Variants in ITCH observed in about 807,000 individuals in gnomAD.
ITCH encodes the protein itchy E3 ubiquitin protein ligase, also known as E3 ubiquitin-protein ligase Itchy homolog.
Under a neutral mutation model 126.8 loss-of-function variants are expected in ITCH, and 28 were observed. The observed-to-expected ratio is 0.22, with a 90% CI of 0.16 to 0.30. ITCH has a LOEUF of 0.30. Ranked by LOEUF, ITCH falls within the 10% of genes least tolerant of loss-of-function variation. ITCH has a pLI of 1.00. For synonymous variants in ITCH, 342 were observed against 340.0 expected, an observed-to-expected ratio of 1.01 and a Z score of -0.06; for missense variants, 631 against 1,032.4, an observed-to-expected ratio of 0.61 and a Z score of 5.33.
chr20:34,371,340 G>C (rs1447983494), intron 2 of ITCH, among the ~76,000 whole-genome samples: 1 of 133,844 alleles, frequency 7.5e-6, no homozygotes, highest in African/African-American at 2.9e-5. Context: ...GCAATGGCAC[G>C]ATCTTGGCTC....
rs1988381072 is a variant in ITCH, at chr20:34,477,868, T to G, written c.1658+8T>G. 1 of 1,613,326 alleles carries G rather than the reference T, an allele frequency of 6.2e-7. No homozygotes were observed. The highest frequency in any genetic ancestry group is 8.5e-7 in the Non-Finnish European group (1 of 1,179,320). On this transcript the variant is annotated splice_region_variant and intron_variant, in intron 17 of 24. Coordinates refer to ENST00000374864, the MANE Select transcript of ITCH (RefSeq NM_031483.7). ...TTATGGAGGTGTAGCAAGGTAGTGA[T>G]AATATGAATACTCAGAACTTAGTTC... is the stretch of plus-strand genomic sequence containing the variant.
At chr20:34,374,456 A>C (rs928450598) in intron 2 of ITCH, among the ~76,000 whole-genome samples, 1 of 152,172 alleles carries the variant, frequency 6.6e-6, no homozygotes, top group African/African-American at 2.4e-5. Flanking sequence ...CATAGGTATT[A>C]TGTGTTTCTG....
At chr20:34,494,405 GA>G (rs1287395413) in intron 23 of ITCH, among the ~76,000 whole-genome samples, 1 of 150,588 alleles carries the variant, frequency 6.6e-6, no homozygotes, top group African/African-American at 2.4e-5. Context: ...TTAGGAGACA[GA>G]AACAGTGAGA....
intron 23 of ITCH, among the ~76,000 whole-genome samples, chr20:34,501,507 G>A (rs1253258547): frequency 6.6e-5 from 10 of 152,198 alleles, no homozygotes. Flanking sequence ...TGAGTGCGGT[G>A]GCTCACGCCT....
chr20:34,491,593 A>G (rs1280824693), intron 22 of ITCH, among the ~76,000 whole-genome samples: 1 of 152,184 alleles, frequency 6.6e-6, no homozygotes, highest in Non-Finnish European at 1.5e-5. Flanking sequence ...AAAATCTGGT[A>G]TACATGTAAA....
chr20:34,443,305 A>G (rs942358042), intron 10 of ITCH, among the ~76,000 whole-genome samples: 1 of 151,926 alleles, frequency 6.6e-6, no homozygotes, highest in African/African-American at 2.4e-5. Flanking sequence ...AGGTCAAGAG[A>G]TCGAGACCAT....
At chr20:34,441,007 A>C (rs1250284051) in intron 9 of ITCH, among the ~76,000 whole-genome samples, 1 of 152,060 alleles carries the variant, frequency 6.6e-6, no homozygotes, top group Non-Finnish European at 1.5e-5. Context: ...ATGGTGGCTC[A>C]CGCCTGTAAT....
In ITCH at chr20:34,508,448, T is replaced by A; in HGVS notation, c.*654T>A. Reference sequence around the variant, plus strand: ...ATGACTTCATTTGGAAGTCTGATTGTTTCAGTTGCCTGACAAATACTACAC... The same window carrying A: ...ATGACTTCATTTGGAAGTCTGATTGATTCAGTTGCCTGACAAATACTACAC... On this transcript the variant is annotated 3_prime_UTR_variant, in exon 25 of 25. Coordinates refer to ENST00000374864, the MANE Select transcript of ITCH (RefSeq NM_031483.7). 6.4e-6 allele frequency: 1 copy of A among 157,306 alleles called. No individual in the cohort carries two copies. Among genetic ancestry groups the A allele is most frequent in the Non-Finnish European group, 1.4e-5 (1 of 70,602 alleles). The allele number at this position is 157,306 out of a possible 1,614,324, so 9.7% of individuals were successfully genotyped here.
chr20:34,417,139 C>T, intron 6 of ITCH: 1 of 681,994 alleles, frequency 1.5e-6, no homozygotes, highest in Non-Finnish European at 2.7e-6. Flanking sequence ...TCTGTTTGCC[C>T]AGGCTGGAGT....
intron 2 of ITCH, among the ~76,000 whole-genome samples, chr20:34,388,188 C>T (rs1041214193): frequency 2.0e-5 from 3 of 150,278 alleles, no homozygotes; most frequent in Non-Finnish European, 2.9e-5. Flanking sequence ...GCCTCAACTT[C>T]CTGAGTTCAA....
intron 19 of ITCH, 59 bp from the exon 20 acceptor site, chr20:34,480,999 GTTAAAAAC>G: frequency 6.6e-7 from 1 of 1,516,754 alleles, no homozygotes; most frequent in Non-Finnish European, 9.1e-7. Context: ...TGGGCCTTTC[GTTAAAAAC>G]TTATAAATTA....
Position 34,509,749 on chromosome 20 carries a change from AC to A in ITCH, c.*1958del, listed in dbSNP as rs970775125. On this transcript the variant is annotated 3_prime_UTR_variant, in exon 25 of 25. Coordinates refer to ENST00000374864, the MANE Select transcript of ITCH (RefSeq NM_031483.7). ...CTTACAGAGCGAATGTCTGCCAACT[AC>A]CCGTTCATTATATAAGTCTGAACTT... The A allele has an allele frequency of 4.6e-5, 7 of 152,620 alleles. No homozygotes were observed. The highest frequency in any genetic ancestry group is 3.9e-4 in the Admixed American group (6 of 15,278). The allele number at this position is 152,620 out of a possible 1,614,324, so 9.5% of individuals were successfully genotyped here.
At chr20:34,464,141 ATTT>A (rs1025473489) in intron 14 of ITCH, among the ~76,000 whole-genome samples, 1 of 132,814 alleles carries the variant, frequency 7.5e-6, no homozygotes, top group African/African-American at 2.8e-5. Flanking sequence ...TGCCCAGCTA[ATTT>A]TTTTTTTTTT....
At chr20:34,363,655 A>G (rs1225944773) in intron 1 of ITCH, among the ~76,000 whole-genome samples, 1 of 151,886 alleles carries the variant, frequency 6.6e-6, no homozygotes, top group Admixed American at 6.6e-5. Flanking sequence ...GGGCGTGGGT[A>G]CCGTCCGGCC....
intron 2 of ITCH, among the ~76,000 whole-genome samples, chr20:34,378,492 A>AAG (rs2037931786): frequency 6.6e-6 from 1 of 150,548 alleles, no homozygotes; most frequent in African/African-American, 2.4e-5. Flanking sequence ...AAAAAAAAAA[A>AAG]AAGATGTAAA....
chr20:34,464,499 T>C (rs990223531), intron 14 of ITCH, among the ~76,000 whole-genome samples: 1 of 151,954 alleles, frequency 6.6e-6, no homozygotes, highest in African/African-American at 2.4e-5. Flanking sequence ...GCTAATTTTG[T>C]ATTTTTAGTA....
chr20:34,436,709 A>G (rs886841162), intron 7 of ITCH, among the ~76,000 whole-genome samples: 2 of 152,250 alleles, frequency 1.3e-5, no homozygotes, highest in Non-Finnish European at 2.9e-5. Context: ...GGTCTAGAAT[A>G]GTTTTGAAGA....
At chr20:34,507,467 T>G (rs1422619643) in intron 24 of ITCH, among the ~76,000 whole-genome samples, 1 of 151,962 alleles carries the variant, frequency 6.6e-6, no homozygotes, top group Non-Finnish European at 1.5e-5. Flanking sequence ...TTTTAAATAT[T>G]GTTGAGTTTT....
intron 6 of ITCH, 27 bp downstream of exon 6, chr20:34,413,906 T>C: frequency 1.3e-6 from 2 of 1,569,192 alleles, no homozygotes; most frequent in African/African-American, 1.4e-5. Context: ...TTAAGGTCTT[T>C]AATGATTCTT....
Sources: allele counts gnomAD v4.1 joint callset (sites outside exome capture counted in the v4.1 genomes callset), GRCh38; gene constraint gnomAD v4.1.1; transcripts MANE v1.5; gene names NCBI Gene and HGNC (gene_info 2026-07-23, HGNC 2026-07-21).